Variants in MAP2 observed in about 807,000 individuals in gnomAD.
MAP2 encodes the protein microtubule associated protein 2, also known as microtubule-associated protein 2.
In MAP2, 14 loss-of-function variants were observed where a neutral mutation model predicts 137.6. The observed-to-expected ratio is 0.10, with a 90% CI of 0.07 to 0.16. MAP2 has a LOEUF of 0.16. MAP2 is among the 10% of genes least tolerant of loss of function. MAP2 has a pLI of 1.00. For synonymous variants in MAP2, 786 were observed against 782.3 expected, an observed-to-expected ratio of 1.00 and a Z score of -0.08; for missense variants, 2,088 against 2,191.5, an observed-to-expected ratio of 0.95 and a Z score of 0.94.
rs1559159682 is a variant in MAP2 at position 209,436,015 on chromosome 2, T to TTATATATAATATATACTGTATATATTA, written c.-222+11748_-222+11749insTATATACTGTATATATTATATATATAA. Among the ~76,000 whole-genome samples the TTATATATAATATATACTGTATATATTA allele has an allele frequency of 6.4e-4, 58 of 90,296 alleles. 1 individual carries two copies. Among genetic ancestry groups the TTATATATAATATATACTGTATATATTA allele is most frequent in the Admixed American group, 3.3e-3 (31 of 9,272 alleles). 59.2% of individuals were successfully genotyped at this position (90,296 alleles called of 152,430 possible). ...TTATATACTATATATACAGTATATATTATATATAAAATATATATATATGTA... is the reference window on the plus strand; with the variant it reads ...TTATATACTATATATACAGTATATATTATATATAATATATACTGTATATATTATATATATAAAATATATATATATGTA... On this transcript the variant is annotated intron_variant, in intron 1 of 15. Coordinates refer to ENST00000682079, the MANE Select transcript of MAP2 (RefSeq NM_001375505.1).
chr2:209,720,659 A>C (rs1055942361), intron 13 of MAP2, among the ~76,000 whole-genome samples: 7 of 151,508 alleles, frequency 4.6e-5, no homozygotes, highest in Admixed American at 2.0e-4. Flanking sequence ...AAAAAAAAAA[A>C]AACTTGAAAT....
At chr2:209,461,512 A>G (rs899952468) in intron 1 of MAP2, among the ~76,000 whole-genome samples, 3 of 152,036 alleles carry the variant, frequency 2.0e-5, no homozygotes, top group African/African-American at 4.8e-5. Flanking sequence ...CTGCAGTGCA[A>G]TGGCACAATC....
intron 2 of MAP2, among the ~76,000 whole-genome samples, chr2:209,513,163 A>T (rs1012395663): frequency 2.6e-5 from 4 of 152,144 alleles, no homozygotes; most frequent in Non-Finnish European, 5.9e-5. Flanking sequence ...TCTAACCAGT[A>T]AGCTTCAGTG....
Position 209,695,906 on chromosome 2 carries a change from G to T in MAP2, c.3736G>T (p.Asp1246Tyr), listed in dbSNP as rs748992786. Residue 1246 changes from aspartate to tyrosine, a missense_variant, in exon 8 of 16, where the codon GAT becomes TAT. Transcript: ENST00000682079. ...AGAGATAGAAGCCCAGGGAGAATAT[G>T]ATAAACTGCTCTTCCGCTCAGACAC... The part of the protein sequence containing the change: ...EEEIEAQGEY[D>Y]KLLFRSDTLQ... 6.2e-7 allele frequency: 1 copy of T among 1,614,082 alleles called. No homozygotes were observed. The highest frequency in any genetic ancestry group is 1.1e-5 in the South Asian group (1 of 91,068).
intron 1 of MAP2, among the ~76,000 whole-genome samples, chr2:209,425,123 G>T (rs1433878763): frequency 6.6e-6 from 1 of 152,052 alleles, no homozygotes; most frequent in African/African-American, 2.4e-5. Context: ...GAGGGGTATG[G>T]ATGGAGTCAG....
At chr2:209,528,880 ATG>A (rs1413907741) in intron 2 of MAP2, among the ~76,000 whole-genome samples, 4 of 149,406 alleles carry the variant, frequency 2.7e-5, no homozygotes, top group Non-Finnish European at 5.9e-5. Flanking sequence ...ATATGTATAT[ATG>A]TGTGTATATA....
At chr2:209,632,251 T>A (rs1350786997) in intron 4 of MAP2, among the ~76,000 whole-genome samples, 1 of 152,114 alleles carries the variant, frequency 6.6e-6, no homozygotes, top group African/African-American at 2.4e-5. Flanking sequence ...TAGGTACTCA[T>A]CTACATATCC....
intron 1 of MAP2, among the ~76,000 whole-genome samples, chr2:209,472,734 CA>C (rs71395556): frequency 0.068 from 10,078 of 149,014 alleles, 423 homozygotes; most frequent in African/African-American, 0.11. Flanking sequence ...TAGAACTACT[CA>C]AAAAAAAAAT....
In MAP2 at chr2:209,693,035, C is replaced by T. The variant is rs202130770; in HGVS notation, c.865C>T (p.Leu289=). ...AGTTGCCCCCATATCTCCTGGCCCT[C>T]TGACTCCCATGAGGGAAAAAGATGT... ...GLVAPISPGP[L]TPMREKDVFD... is the part of the protein sequence containing the mutation. Residue 289 remains leucine (L), a synonymous_variant, in exon 8 of 16, where the codon CTG becomes TTG. Transcript: ENST00000682079. 1 of 1,612,016 alleles carries T rather than the reference C, an allele frequency of 6.2e-7. No homozygotes were observed.
chr2:209,548,961 G>C (rs1259701712), intron 2 of MAP2, among the ~76,000 whole-genome samples: 1 of 152,142 alleles, frequency 6.6e-6, no homozygotes, highest in Non-Finnish European at 1.5e-5. Context: ...GTTCTTTATA[G>C]CAGTGTAAGA....
intron 1 of MAP2, among the ~76,000 whole-genome samples, chr2:209,483,675 A>G (rs1303758118): frequency 1.3e-5 from 2 of 152,246 alleles, no homozygotes; most frequent in Non-Finnish European, 2.9e-5. Flanking sequence ...TATCTACAAG[A>G]AAAATGATTT....
In MAP2 at chr2:209,631,926, G is replaced by A. The variant is rs183819427; in HGVS notation, c.-30+6797G>A. On this transcript the variant is annotated intron_variant, in intron 4 of 15. Transcript: ENST00000682079. Reference sequence around the variant, plus strand: ...AGTAGACTGAGTTGAGTCAAAAGGGGTAAATTGAAATAGGACTGTGGAGAT... The same window carrying A: ...AGTAGACTGAGTTGAGTCAAAAGGGATAAATTGAAATAGGACTGTGGAGAT... 5.3e-5 allele frequency among the ~76,000 whole-genome samples: 8 copies of A among 152,258 alleles called. No individual in the cohort carries two copies. In the East Asian group the frequency reaches 7.7e-4, roughly 15 times the overall value.
At chr2:209,634,976 C>G (rs1175042871) in intron 4 of MAP2, among the ~76,000 whole-genome samples, 2 of 152,100 alleles carry the variant, frequency 1.3e-5, no homozygotes, top group African/African-American at 4.8e-5. Context: ...TGCCTGTAGT[C>G]CCGGCTACTT....
Position 209,571,575 on chromosome 2 carries a change from A to G in MAP2, c.-171-8461A>G, listed in dbSNP as rs546429706. On this transcript the variant is annotated intron_variant, in intron 2 of 15. Transcript: ENST00000682079. ...GTTCAACTATTATAGTTTTCCTTTC[A>G]ACCTCTTGAGAGCTTTTAATTCCCA... is the stretch of plus-strand genomic sequence containing the variant. Among the ~76,000 whole-genome samples the G allele has an allele frequency of 8.2e-4, 124 of 152,100 alleles. 1 individual carries two copies. Among genetic ancestry groups the G allele is most frequent in the Admixed American group, 8.1e-3 (124 of 15,278 alleles).
At chr2:209,662,738 C>CT (rs1259141089) in intron 5 of MAP2, among the ~76,000 whole-genome samples, 1 of 151,754 alleles carries the variant, frequency 6.6e-6, no homozygotes, top group Non-Finnish European at 1.5e-5. Flanking sequence ...AGTGAGTCTT[C>CT]TAGACTCATT....
chr2:209,500,268 T>C (rs2060215957), intron 1 of MAP2, among the ~76,000 whole-genome samples: 1 of 152,232 alleles, frequency 6.6e-6, no homozygotes, highest in Non-Finnish European at 1.5e-5. Context: ...CCTCAGATTG[T>C]CATTCAAGGT....
intron 15 of MAP2, 56 bp downstream of exon 15, chr2:209,730,018 T>C (rs2075507940): frequency 3.0e-6 from 4 of 1,342,768 alleles, no homozygotes; most frequent in Admixed American, 3.6e-5. Flanking sequence ...TCTTCTGAAA[T>C]ACTCTTCATC....
chr2:209,454,373 C>A (rs1263348583), intron 1 of MAP2, among the ~76,000 whole-genome samples: 21 of 152,136 alleles, frequency 1.4e-4, no homozygotes, highest in Admixed American at 1.4e-3. Flanking sequence ...CTCGCTCTGT[C>A]ACCCAGGCTG....
At chr2:209,580,854 G>T (rs573359541) in intron 3 of MAP2, among the ~76,000 whole-genome samples, 1 of 152,010 alleles carries the variant, frequency 6.6e-6, no homozygotes, top group African/African-American at 2.4e-5. Context: ...CTTTAAGACC[G>T]TCTTTAACTT....
Sources: allele counts gnomAD v4.1 joint callset (sites outside exome capture counted in the v4.1 genomes callset), GRCh38; gene constraint gnomAD v4.1.1; transcripts MANE v1.5; gene names NCBI Gene and HGNC (gene_info 2026-07-23, HGNC 2026-07-21).